Variants in EYS observed in about 807,000 individuals in gnomAD.
EYS encodes protein eyes shut homolog.
EYS carries 250 observed loss-of-function variants against 282.1 expected under a neutral mutation model. The ratio of observed to expected loss-of-function variants is 0.89; its 90% CI spans 0.80 to 0.98. The LOEUF is 0.98. Among genes scored for constraint, EYS ranks in the 50% least tolerant of loss-of-function variants. The pLI is 0.00. For synonymous variants in EYS, 1,355 were observed against 1,282.9 expected (o/e 1.06, Z -1.20); for missense variants, 4,016 against 3,709.0 (o/e 1.08, Z -2.15).
chr6:64,137,752 T>C (rs901118744), intron 31 of EYS, among the ~76,000 whole-genome samples: 3 of 152,064 alleles, frequency 2.0e-5, no homozygotes, highest in African/African-American at 2.4e-5. Context: ...ACAGTAGTAA[T>C]ATCAAAGGTC....
chr6:64,929,440 T>C (rs1768633961), intron 15 of EYS, among the ~76,000 whole-genome samples: 1 of 152,178 alleles, frequency 6.6e-6, no homozygotes, highest in Non-Finnish European at 1.5e-5. Context: ...CTGCCTGTCT[T>C]CAAATAATAT....
At chr6:64,797,029 A>T (rs1774375138) in intron 22 of EYS, among the ~76,000 whole-genome samples, 2 of 152,112 alleles carry the variant, frequency 1.3e-5, no homozygotes, top group African/African-American at 4.8e-5. Flanking sequence ...TTTCTCCAGT[A>T]TACTGCGGAA....
rs544780136 is a variant in EYS, at chr6:64,433,761, A to T, written c.5927+2413T>A. 1.2e-4 allele frequency among the ~76,000 whole-genome samples: 19 copies of T among 152,142 alleles called. No individual in the cohort carries two copies. The South Asian group carries it at 3.9e-3, about 32-fold the overall frequency. On this transcript the variant is annotated intron_variant, in intron 28 of 42. Transcript: ENST00000503581. ...ATTCTTGGGATTTAAAAAATCTTAA[A>T]CATCTAATGTTTCTTTTAAAGAAGA...
intron 12 of EYS, among the ~76,000 whole-genome samples, chr6:65,210,450 T>C (rs536026131): frequency 6.6e-6 from 1 of 152,128 alleles, no homozygotes; most frequent in Non-Finnish European, 1.5e-5. Flanking sequence ...GTAAAATTGA[T>C]TTTGGCCAAT....
chr6:65,224,808 A>G (rs948780330), intron 12 of EYS, among the ~76,000 whole-genome samples: 17 of 152,298 alleles, frequency 1.1e-4, no homozygotes, highest in Admixed American at 4.6e-4. Flanking sequence ...TAATTTATAT[A>G]ACCAAAACAA....
intron 35 of EYS, among the ~76,000 whole-genome samples, chr6:63,981,243 G>A (rs527645284): frequency 2.0e-5 from 3 of 151,768 alleles, no homozygotes; most frequent in African/African-American, 7.2e-5. Flanking sequence ...TGTAGGGTTG[G>A]GTATTGGTGG....
At chr6:63,879,083 A>G (rs998522486) in intron 35 of EYS, among the ~76,000 whole-genome samples, 2 of 152,116 alleles carry the variant, frequency 1.3e-5, no homozygotes, top group Admixed American at 6.6e-5. Flanking sequence ...CTATTTGTCC[A>G]TCTGGGAACC....
chr6:64,426,291 CTT>C (rs930814305), intron 28 of EYS, among the ~76,000 whole-genome samples: 1 of 152,148 alleles, frequency 6.6e-6, no homozygotes, highest in African/African-American at 2.4e-5. Context: ...TAACAACACT[CTT>C]TTTTATTTTT....
At chr6:65,340,173 G>A (rs1460562135) in intron 10 of EYS, among the ~76,000 whole-genome samples, 3 of 151,162 alleles carry the variant, frequency 2.0e-5, no homozygotes, top group East Asian at 3.9e-4. Flanking sequence ...AAATTTTAGT[G>A]CTCCATGGAC....
chr6:64,297,225 T>C (rs113987994), intron 30 of EYS, among the ~76,000 whole-genome samples: 35 of 86,406 alleles, frequency 4.1e-4, no homozygotes, highest in African/African-American at 1.3e-3. Context: ...ATGGTGGTCA[T>C]TGTCACACTT....
chr6:64,680,437 C>G (rs968221445), intron 22 of EYS, among the ~76,000 whole-genome samples: 2 of 152,196 alleles, frequency 1.3e-5, no homozygotes, highest in African/African-American at 4.8e-5. Context: ...TGAACCACAA[C>G]CCATTAACCA....
intron 18 of EYS, among the ~76,000 whole-genome samples, chr6:64,894,602 C>G (rs1049997858): frequency 1.3e-5 from 2 of 152,102 alleles, no homozygotes; most frequent in African/African-American, 4.8e-5. Context: ...GACTCAGTCA[C>G]TCGAAGGTCA....
At chr6:65,246,313 A>T (rs538409785) in intron 12 of EYS, among the ~76,000 whole-genome samples, 10 of 152,214 alleles carry the variant, frequency 6.6e-5, no homozygotes, top group African/African-American at 2.2e-4. Flanking sequence ...CTATATTGTG[A>T]ATATGAAAAT....
intron 2 of EYS, among the ~76,000 whole-genome samples, chr6:65,596,647 T>C (rs1765412037): frequency 6.6e-6 from 1 of 152,064 alleles, no homozygotes. Context: ...AAGAATTTTT[T>C]TTTTTAAGTA....
intron 22 of EYS, among the ~76,000 whole-genome samples, chr6:64,646,069 C>T (rs1402241601): frequency 6.6e-6 from 1 of 152,056 alleles, no homozygotes; most frequent in Non-Finnish European, 1.5e-5. Context: ...TTTGGGGATC[C>T]TAAATTCTCA....
chr6:64,351,043 G>A (rs1354430030), intron 29 of EYS, among the ~76,000 whole-genome samples: 1 of 148,436 alleles, frequency 6.7e-6, no homozygotes, highest in African/African-American at 2.5e-5. Context: ...CCAGCCATGT[G>A]AAACTATGAG....
At position 64,355,635 on chromosome 6, in the gene EYS, A is replaced by T. The variant is rs113216586; in HGVS notation, c.6078+33055T>A. On this transcript the variant is annotated intron_variant, in intron 29 of 42. Coordinates refer to ENST00000503581, the MANE Select transcript of EYS (RefSeq NM_001142800.2). ...TAAGTCTAAAACCACTTTCCTGAGC[A>T]GTTTATTTCCTGGGAGATGCTAACT... 2.4e-3 allele frequency among the ~76,000 whole-genome samples: 361 copies of T among 151,744 alleles called. 2 individuals are homozygous for T. Among genetic ancestry groups the T allele is most frequent in the African/African-American group, 8.3e-3 (346 of 41,488 alleles).
At chr6:64,692,136 CT>C (rs1406637581) in intron 22 of EYS, among the ~76,000 whole-genome samples, 3 of 152,230 alleles carry the variant, frequency 2.0e-5, no homozygotes, top group Non-Finnish European at 4.4e-5. Context: ...TAAGTGTTCC[CT>C]TTTCTCCATA....
chr6:65,004,828 A>G (rs558851391), intron 13 of EYS, among the ~76,000 whole-genome samples: 1 of 147,942 alleles, frequency 6.8e-6, no homozygotes, highest in South Asian at 2.2e-4. Flanking sequence ...CAATTTAAGA[A>G]AGAAATGTTA....
Sources: gnomAD v4.1 joint callset for allele counts (sites outside exome capture counted in the v4.1 genomes callset) on GRCh38, gnomAD v4.1.1 for gene constraint, MANE v1.5 for transcripts, NCBI Gene and HGNC (gene_info 2026-07-23, HGNC 2026-07-21) for gene names.